The following TMEM243 variants were observed in gnomAD, a reference collection of about 807,000 sequenced individuals.
TMEM243 encodes the protein MDR1 and mitochondrial taxol resistance associated.
TMEM243 carries 20 observed loss-of-function variants against 15.0 expected under a neutral mutation model. The ratio of observed to expected loss-of-function variants is 1.33; its 90% confidence interval spans 0.94 to 1.93. The LOEUF (loss-of-function observed/expected upper bound fraction) is 1.93, where lower values mean the gene tolerates loss of function less well. Ranked by LOEUF, TMEM243 falls within the 30% of genes most tolerant of loss-of-function variation. The pLI is 0.00. For synonymous variants in TMEM243, 72 were observed against 52.7 expected (o/e 1.37, Z -1.59); for missense variants, 156 against 142.1 (o/e 1.10, Z -0.50).
chr7:87,207,672 A>G (rs947045822), intron 1 of TMEM243, among the ~76,000 whole-genome samples: 1 of 152,248 alleles, frequency 6.6e-6, no homozygotes, highest in African/African-American at 2.4e-5. Context: ...TTGAGGGAGA[A>G]GGCAGGGTAG....
intron 1 of TMEM243, among the ~76,000 whole-genome samples, chr7:87,212,132 T>C (rs958658969): frequency 6.6e-6 from 1 of 152,222 alleles, no homozygotes; most frequent in African/African-American, 2.4e-5. Context: ...AGAGAATACA[T>C]AGAAAGCCCC....
chr7:87,203,580 A>G (rs1183343006), intron 1 of TMEM243, among the ~76,000 whole-genome samples: 1 of 151,494 alleles, frequency 6.6e-6, no homozygotes, highest in Non-Finnish European at 1.5e-5. Flanking sequence ...ACGCCACTGC[A>G]CTCCAGCCTG....
chr7:87,219,803 A>C, upstream of TMEM243: 3 of 414,620 alleles, frequency 7.2e-6, no homozygotes, highest in Non-Finnish European at 8.7e-6. Flanking sequence ...CACTTCCTCA[A>C]ATCTCAGCCC....
intron 3 of TMEM243, 67 bp downstream of exon 3, chr7:87,197,874 A>C (rs758132519): frequency 2.0e-5 from 32 of 1,608,982 alleles, no homozygotes; most frequent in Non-Finnish European, 2.5e-6. Flanking sequence ...CAAGGCTGAA[A>C]ATTTTTGTCC....
At chr7:87,215,508 C>A (rs1803039214) in intron 1 of TMEM243, among the ~76,000 whole-genome samples, 1 of 152,066 alleles carries the variant, frequency 6.6e-6, no homozygotes, top group African/African-American at 2.4e-5. Context: ...TTTCTTTATA[C>A]TTTTTCATAT....
chr7:87,217,451 C>A (rs1428891046), intron 1 of TMEM243, among the ~76,000 whole-genome samples: 1 of 152,180 alleles, frequency 6.6e-6, no homozygotes, highest in Non-Finnish European at 1.5e-5. Flanking sequence ...TGGGCCTTAC[C>A]CTCCTCAGGC....
At chr7:87,215,034 G>A (rs1322514712) in intron 1 of TMEM243, among the ~76,000 whole-genome samples, 1 of 152,198 alleles carries the variant, frequency 6.6e-6, no homozygotes, top group African/African-American at 2.4e-5. Flanking sequence ...TTGGATTTGG[G>A]ACATCGCCTG....
intron 1 of TMEM243, among the ~76,000 whole-genome samples, chr7:87,200,059 G>C (rs942618717): frequency 3.9e-5 from 6 of 152,156 alleles, no homozygotes; most frequent in Non-Finnish European, 8.8e-5. Context: ...TCACAGAGCA[G>C]CAACCGAATT....
chr7:87,208,367 C>G (rs1482902894), intron 1 of TMEM243, among the ~76,000 whole-genome samples: 1 of 152,212 alleles, frequency 6.6e-6, no homozygotes, highest in Non-Finnish European at 1.5e-5. Context: ...AGGCCCCATG[C>G]AAATCCAAAA....
intron 1 of TMEM243, chr7:87,202,894 C>G (rs1801919456): frequency 6.6e-6 from 1 of 152,208 alleles, no homozygotes; most frequent in Non-Finnish European, 1.5e-5. Flanking sequence ...TTCTGAATCA[C>G]CAGACTGCAC....
At chr7:87,211,854 G>A (rs151313555) in intron 1 of TMEM243, among the ~76,000 whole-genome samples, 25 of 152,302 alleles carry the variant, frequency 1.6e-4, no homozygotes, top group African/African-American at 5.3e-4. Flanking sequence ...CTAGGACGCC[G>A]CGAATTATGA....
intron 2 of TMEM243, 145 bp from the exon 3 acceptor site, chr7:87,198,190 C>T (rs1434962548): frequency 5.0e-6 from 3 of 598,676 alleles, no homozygotes; most frequent in African/African-American, 1.9e-5. Flanking sequence ...AATGTTAATA[C>T]AGTAATTATA....
In TMEM243 at chr7:87,209,145, C is replaced by A. The variant is rs567431007; in HGVS notation, c.79-10088G>T. Among the ~76,000 whole-genome samples the A allele has an allele frequency of 3.3e-5, 5 of 152,320 alleles. No homozygotes were observed. In the South Asian group the frequency reaches 6.2e-4, roughly 19 times the overall value. ...TACCCTTGAAGCCTTTACATCCATT[C>A]TCACACTACTAGAAAGAACTACCTG... On this transcript the variant is annotated intron_variant, in intron 1 of 3. Coordinates refer to ENST00000257637, the MANE Select transcript of TMEM243 (RefSeq NM_024315.4).
intron 1 of TMEM243, 33 bp downstream of exon 1, chr7:87,219,393 C>G (rs758791355): frequency 2.5e-6 from 4 of 1,606,854 alleles, no homozygotes; most frequent in South Asian, 2.2e-5. Context: ...GACACACCCC[C>G]CATCCCAGTC....
In TMEM243 at chr7:87,199,124, C is replaced by T; in HGVS notation, c.79-67G>A. 3 of 1,318,802 alleles carry T rather than the reference C, an allele frequency of 2.3e-6. No individual in the cohort carries two copies. The South Asian group carries it at 4.1e-5, about 18-fold the overall frequency. The allele number at this position is 1,318,802 out of a possible 1,614,324, so 81.7% of individuals were successfully genotyped here. A position where few individuals can be genotyped will look rare whatever the true frequency, so the allele number is the denominator to read the frequency against. On this transcript the variant is annotated intron_variant, in intron 1 of 3. Coordinates refer to ENST00000257637, the MANE Select transcript of TMEM243 (RefSeq NM_024315.4). ...ATGTTACCTTCAGTATAGTACAATG[C>T]AAGGCATTTGGATGGTTTACTATAA...
At chr7:87,213,873 C>G (rs1802933177) in intron 1 of TMEM243, among the ~76,000 whole-genome samples, 1 of 152,100 alleles carries the variant, frequency 6.6e-6, no homozygotes, top group Non-Finnish European at 1.5e-5. Context: ...ACACTTGCCC[C>G]CTCCACAGAG....
intron 3 of TMEM243, among the ~76,000 whole-genome samples, chr7:87,197,276 T>C (rs926514935): frequency 2.0e-5 from 3 of 151,922 alleles, no homozygotes; most frequent in African/African-American, 7.3e-5. Context: ...CACTTGGAGG[T>C]GTCTCCTGGT....
chr7:87,202,026 A>ATAAAGACAGACG lies in TMEM243; in HGVS notation c.79-2981_79-2970dup, dbSNP rs1470129452. Among the ~76,000 whole-genome samples, 57 of 152,230 alleles carry ATAAAGACAGACG rather than the reference A, an allele frequency of 3.7e-4. 1 individual carries two copies. The highest frequency in any genetic ancestry group is 4.4e-5 in the Non-Finnish European group (3 of 68,036). On this transcript the variant is annotated intron_variant, in intron 1 of 3. Coordinates refer to ENST00000257637, the MANE Select transcript of TMEM243 (RefSeq NM_024315.4). ...AGTCTGAATTCATATATACATGAAC[A>ATAAAGACAGACG]TAAAGACAGACGTTGTGTGCATACA...
chr7:87,216,107 T>C (rs1445638951), intron 1 of TMEM243, among the ~76,000 whole-genome samples: 2 of 151,502 alleles, frequency 1.3e-5, no homozygotes, highest in African/African-American at 4.9e-5. Context: ...CCATCTCAAC[T>C]AAAAATACAA....
Sources: allele counts gnomAD v4.1 joint callset (sites outside exome capture counted in the v4.1 genomes callset), GRCh38; gene constraint gnomAD v4.1.1; transcripts MANE v1.5; gene names NCBI Gene and HGNC (gene_info 2026-07-23, HGNC 2026-07-21).